Variants in VPS13D observed in about 807,000 individuals in gnomAD.
VPS13D encodes vacuolar protein sorting 13 homolog D, also known as intermembrane lipid transfer protein VPS13D.
Under a neutral mutation model 461.9 loss-of-function variants are expected in VPS13D, and 187 were observed. That is an observed-to-expected ratio of 0.40 (90% CI 0.36 to 0.46). The LOEUF (loss-of-function observed/expected upper bound fraction) is 0.46, where lower values mean the gene tolerates loss of function less well. VPS13D is among the 20% of genes least tolerant of loss of function. The pLI is 0.60. For synonymous variants in VPS13D, 1,951 were observed against 1,986.3 expected (o/e 0.98, Z 0.47); for missense variants, 4,711 against 5,364.9 (o/e 0.88, Z 3.81).
At chr1:12,447,255 A>G (rs1286500927) in intron 65 of VPS13D, among the ~76,000 whole-genome samples, 2 of 152,190 alleles carry the variant, frequency 1.3e-5, no homozygotes, top group African/African-American at 4.8e-5. Flanking sequence ...GACAATAGCA[A>G]AAGTCATGGT....
Position 12,400,962 on chromosome 1 carries a change from G to GCGCGCGCA in VPS13D, c.11784+633_11784+634insGCGCGCAC, listed in dbSNP as rs1253464149. ...GAGTGAGATGTGCACCTGCGCGCGC[G>GCGCGCGCA]CACACACACACACACACACACACAC... On this transcript the variant is annotated intron_variant, in intron 61 of 69. Coordinates refer to ENST00000620676, the MANE Select transcript of VPS13D (RefSeq NM_015378.4). 2.7e-3 allele frequency among the ~76,000 whole-genome samples: 287 copies of GCGCGCGCA among 106,292 alleles called. 2 individuals are homozygous for GCGCGCGCA. Among genetic ancestry groups the GCGCGCGCA allele is most frequent in the Non-Finnish European group, 4.5e-3 (220 of 48,434 alleles). The allele number at this position is 106,292 out of a possible 152,430, so 69.7% of individuals were successfully genotyped here. A position where few individuals can be genotyped will look rare whatever the true frequency, so the allele number is the denominator to read the frequency against.
chr1:12,318,368 C>G (rs1236380465), intron 31 of VPS13D, 31 bp downstream of exon 31: 10 of 1,586,696 alleles, frequency 6.3e-6, no homozygotes, highest in Non-Finnish European at 8.6e-6. Context: ...TTCATTGGTG[C>G]TTAGTTTGGA....
At chr1:12,484,777 T>C (rs1645774409) in intron 67 of VPS13D, among the ~76,000 whole-genome samples, 1 of 151,964 alleles carries the variant, frequency 6.6e-6, no homozygotes. Flanking sequence ...TAGCACAGAG[T>C]GTTTTTACGG....
In VPS13D at chr1:12,508,980, T is replaced by C. The variant is rs1570309119; in HGVS notation, c.13123T>C (p.Leu4375=). Residue 4375 remains leucine (L), a synonymous_variant, in exon 70 of 70, where the codon TTA becomes CTA. Coordinates refer to ENST00000620676, the MANE Select transcript of VPS13D (RefSeq NM_015378.4). ...KSLYYEQQLM[L]RLSENREQLE... Reference sequence around the variant, plus strand: ...CCTCTACTATGAACAGCAGCTTATGTTAAGACTCAGCGAAAACCGAGAGCA... The same window carrying C: ...CCTCTACTATGAACAGCAGCTTATGCTAAGACTCAGCGAAAACCGAGAGCA... 2 of 1,614,188 alleles carry C rather than the reference T, an allele frequency of 1.2e-6. No individual in the cohort carries two copies. The highest frequency in any genetic ancestry group is 1.7e-6 in the Non-Finnish European group (2 of 1,180,028).
chr1:12,311,979 C>A, intron 29 of VPS13D, 54 bp downstream of exon 29: 1 of 1,424,310 alleles, frequency 7.0e-7, no homozygotes, highest in Non-Finnish European at 9.7e-7. Flanking sequence ...AAATAATACA[C>A]ATGTTTTGCA....
At chr1:12,295,685 A>G (rs779199117) in intron 24 of VPS13D, among the ~76,000 whole-genome samples, 1 of 152,202 alleles carries the variant, frequency 6.6e-6, no homozygotes, top group Non-Finnish European at 1.5e-5. Context: ...TTTTACACCT[A>G]TAAAAGATTA....
chr1:12,245,233 A>G (rs904790493), intron 5 of VPS13D, among the ~76,000 whole-genome samples: 3 of 152,144 alleles, frequency 2.0e-5, no homozygotes, highest in Admixed American at 6.5e-5. Context: ...ATTTTCGTGA[A>G]TGTTTTAAGA....
chr1:12,327,723 G>A lies in VPS13D; in HGVS notation c.8066G>A (p.Ser2689Asn), dbSNP rs778392003. The change falls in exon 36 of 70, where the codon AGC becomes AAC. Residue 2689 changes from serine to asparagine, a missense_variant. This residue lies in a region of VPS13D where 4,411 missense variants were observed against 4,937.8 expected (regional missense o/e 0.89). Transcript: ENST00000620676. ...PLKSLSLAST[S>N]RDSPGAVAAP... Reference sequence around the variant, plus strand: ...AAGTCTCTTTCCTTGGCCTCCACCAGCCGAGATAGCCCAGGGGCTGTGGCA... The same window carrying A: ...AAGTCTCTTTCCTTGGCCTCCACCAACCGAGATAGCCCAGGGGCTGTGGCA... The A allele has an allele frequency of 1.5e-5, 25 of 1,614,030 alleles. No homozygotes were observed. In the Middle Eastern group the frequency reaches 6.6e-4, roughly 42 times the overall value.
rs1296594564 is a variant in VPS13D, at chr1:12,258,030, C to T, written c.1037C>T (p.Ala346Val). ...ACCTGGGACTTTATGTTGCACCGCG[C>T]TCGTGATGCTGTATCTTACACTGAC... ...RCTWDFMLHR[A>V]RDAVSYTDKY... The change falls in exon 10 of 70, where the codon GCT becomes GTT. Residue 346 changes from alanine (A) to valine (V), a missense_variant. Physicochemically the swap from Ala to Val is moderately conservative, Grantham distance 64. Around this residue, in one of 3 missense-constraint regions of VPS13D, gnomAD observed 4,411 missense variants for 4,937.8 expected, o/e 0.89. Coordinates refer to ENST00000620676, the MANE Select transcript of VPS13D (RefSeq NM_015378.4). 1.9e-6 allele frequency: 3 copies of T among 1,614,074 alleles called. No homozygotes were observed. The highest frequency in any genetic ancestry group is 3.3e-5 in the Admixed American group (2 of 59,994).
intron 3 of VPS13D, among the ~76,000 whole-genome samples, chr1:12,244,024 C>T (rs11121892): frequency 0.028 from 4,335 of 152,214 alleles, 217 homozygotes; most frequent in African/African-American, 0.097. Flanking sequence ...AAAGTCTTCG[C>T]GAACTTTTTC....
intron 35 of VPS13D, among the ~76,000 whole-genome samples, chr1:12,326,932 T>G (rs764210304): frequency 2.6e-5 from 4 of 152,134 alleles, no homozygotes; most frequent in Non-Finnish European, 4.4e-5. Flanking sequence ...TGTGAGCCAC[T>G]GCACCCGACC....
chr1:12,455,970 C>G, intron 65 of VPS13D, 28 bp from the exon 66 acceptor site: 1 of 1,578,400 alleles, frequency 6.3e-7, no homozygotes, highest in Non-Finnish European at 8.6e-7. Flanking sequence ...GACTTTAAAA[C>G]TCTTCTCCTG....
chr1:12,296,020 T>A (rs1642265746), intron 24 of VPS13D, among the ~76,000 whole-genome samples: 1 of 152,268 alleles, frequency 6.6e-6, no homozygotes, highest in Admixed American at 6.5e-5. Context: ...ATTCATATTG[T>A]TACATACGAT....
rs576960135 is a variant in VPS13D, at chr1:12,253,483, G to A, written c.565-239G>A. On this transcript the variant is annotated intron_variant, in intron 6 of 69. Transcript: ENST00000620676. ...CGTTTTCTTGTTTGCTCATAGCATC[G>A]TATAGATTCTTCTTCTGCTTCCCTC... Among the ~76,000 whole-genome samples, 11 of 152,240 alleles carry A rather than the reference G, an allele frequency of 7.2e-5. No individual in the cohort carries two copies. In the South Asian group the frequency reaches 2.3e-3, roughly 32 times the overall value.
chr1:12,352,687 G>A (rs1010388644), intron 46 of VPS13D, among the ~76,000 whole-genome samples: 5 of 152,060 alleles, frequency 3.3e-5, no homozygotes, highest in Admixed American at 2.0e-4. Flanking sequence ...AGTACTGGCC[G>A]GGCACAGTGG....
chr1:12,383,889 A>AG (rs1644316299), intron 58 of VPS13D, among the ~76,000 whole-genome samples: 1 of 152,264 alleles, frequency 6.6e-6, no homozygotes, highest in Admixed American at 6.5e-5. Context: ...GAAGGCCCAC[A>AG]GGTAGCAGAG....
intron 63 of VPS13D, among the ~76,000 whole-genome samples, chr1:12,410,567 A>G (rs1174146851): frequency 6.6e-6 from 1 of 152,250 alleles, no homozygotes. Context: ...ACAGAACCAT[A>G]GATAAACTGG....
intron 65 of VPS13D, among the ~76,000 whole-genome samples, chr1:12,421,539 C>G (rs141621101): frequency 6.6e-6 from 1 of 152,294 alleles, no homozygotes; most frequent in African/African-American, 2.4e-5. Flanking sequence ...CTTATAGACT[C>G]TAGCTTCATT....
At chr1:12,381,994 C>CCT (rs552576722) in intron 57 of VPS13D, among the ~76,000 whole-genome samples, 1 of 125,228 alleles carries the variant, frequency 8.0e-6, no homozygotes, top group Admixed American at 9.9e-5. Flanking sequence ...CTCTCTCTCT[C>CCT]TCCTTCCTTC....
Sources: allele counts gnomAD v4.1 joint callset (sites outside exome capture counted in the v4.1 genomes callset), GRCh38; gene constraint gnomAD v4.1.1; regional missense constraint gnomAD v4.1.1; transcripts MANE v1.5; gene names NCBI Gene and HGNC (gene_info 2026-07-23, HGNC 2026-07-21).